The following FAM178B variants were observed in gnomAD, a reference collection of about 807,000 sequenced individuals.
FAM178B encodes protein FAM178B.
A neutral mutation model predicts 91.7 loss-of-function variants in FAM178B; 82 were observed. The ratio of observed to expected loss-of-function variants is 0.89; its 90% CI spans 0.75 to 1.07. The LOEUF (loss-of-function observed/expected upper bound fraction) is 1.07. Among genes scored for constraint, FAM178B ranks in the 50% least tolerant of loss-of-function variants. FAM178B has a pLI of 0.00. For missense variants in FAM178B, 769 were observed against 846.7 expected (o/e 0.91, Z 1.14); for synonymous variants, 368 against 359.4 (o/e 1.02, Z -0.27).
chr2:96,929,961 C>G (rs1179256902), intron 8 of FAM178B, among the ~76,000 whole-genome samples: 1 of 152,118 alleles, frequency 6.6e-6, no homozygotes, highest in African/African-American at 2.4e-5. Flanking sequence ...CACCTGTAAT[C>G]CTAGCACTTT....
chr2:96,912,432 C>CA (rs1176024511), intron 12 of FAM178B, among the ~76,000 whole-genome samples: 1 of 152,004 alleles, frequency 6.6e-6, no homozygotes, highest in East Asian at 1.9e-4. Flanking sequence ...TCCTGAGGCC[C>CA]ACCAAGACTC....
intron 14 of FAM178B, among the ~76,000 whole-genome samples, chr2:96,885,576 G>T (rs2080497925): frequency 6.6e-6 from 1 of 152,220 alleles, no homozygotes; most frequent in Non-Finnish European, 1.5e-5. Context: ...CTGCCGTGGG[G>T]AGGTTATCTC....
intron 4 of FAM178B, among the ~76,000 whole-genome samples, chr2:96,970,049 A>AG (rs1202113455): frequency 2.0e-5 from 3 of 152,228 alleles, no homozygotes; most frequent in Admixed American, 2.0e-4. Flanking sequence ...ACAAAGACTC[A>AG]GGAAGTGTGA....
chr2:96,982,216 C>T (rs1421453111), intron 1 of FAM178B, among the ~76,000 whole-genome samples: 1 of 152,012 alleles, frequency 6.6e-6, no homozygotes. Flanking sequence ...GTATAACTTA[C>T]AGTACATAAA....
At chr2:96,894,413 C>A (rs1163474943) in intron 13 of FAM178B, among the ~76,000 whole-genome samples, 60 of 118,592 alleles carry the variant, frequency 5.1e-4, no homozygotes, top group African/African-American at 1.9e-3. Flanking sequence ...TCCCACCCCC[C>A]ACCCACTCAC....
intron 8 of FAM178B, among the ~76,000 whole-genome samples, chr2:96,933,111 T>G (rs1402663918): frequency 6.6e-6 from 1 of 151,484 alleles, no homozygotes; most frequent in African/African-American, 2.4e-5. Flanking sequence ...GGCGTGGTAG[T>G]GCACGCCTGT....
intron 5 of FAM178B, among the ~76,000 whole-genome samples, chr2:96,967,015 C>A (rs2082151539): frequency 6.6e-6 from 1 of 152,132 alleles, no homozygotes; most frequent in Non-Finnish European, 1.5e-5. Context: ...AAACAGTGTG[C>A]CCTGAAGATG....
At chr2:96,876,465 A>G (rs1409269725) in intron 16 of FAM178B, among the ~76,000 whole-genome samples, 157 bp from the exon 17 acceptor site, 3 of 152,170 alleles carry the variant, frequency 2.0e-5, no homozygotes, top group Non-Finnish European at 4.4e-5. Context: ...ACTGGCGAGG[A>G]CACAGCGGTC....
intron 9 of FAM178B, among the ~76,000 whole-genome samples, chr2:96,928,234 A>G (rs887802937): frequency 6.6e-6 from 1 of 152,192 alleles, no homozygotes; most frequent in African/African-American, 2.4e-5. Flanking sequence ...AGTCCTATAC[A>G]ACAGCCCCTC....
chr2:96,937,254 AC>A (rs35587091), intron 8 of FAM178B, among the ~76,000 whole-genome samples: 5 of 151,888 alleles, frequency 3.3e-5, no homozygotes, highest in Admixed American at 6.6e-5. Flanking sequence ...CCTGTGCCCT[AC>A]CCCCCAGCAA....
At chr2:96,969,686 T>TC (rs2082191353) in intron 4 of FAM178B, among the ~76,000 whole-genome samples, 1 of 152,202 alleles carries the variant, frequency 6.6e-6, no homozygotes, top group Admixed American at 6.5e-5. Context: ...ATAGGCATGG[T>TC]CCCTTCCCTA....
intron 16 of FAM178B, 191 bp downstream of exon 16, chr2:96,877,699 G>T: frequency 1.6e-6 from 1 of 610,572 alleles, no homozygotes; most frequent in Non-Finnish European, 2.9e-6. Context: ...CCAGCCTTTG[G>T]CACTGGATTC....
At chr2:96,968,126 C>T (rs1032026291) in intron 4 of FAM178B, among the ~76,000 whole-genome samples, 34 of 151,904 alleles carry the variant, frequency 2.2e-4, no homozygotes, top group African/African-American at 8.0e-4. Context: ...GCTAGCCCTT[C>T]TGCTCCTCAG....
At chr2:96,936,415 A>C (rs930485360) in intron 8 of FAM178B, among the ~76,000 whole-genome samples, 3 of 150,108 alleles carry the variant, frequency 2.0e-5, no homozygotes, top group Non-Finnish European at 4.4e-5. Context: ...ATTAGCCAGG[A>C]TGGTCTCGAT....
intron 8 of FAM178B, among the ~76,000 whole-genome samples, chr2:96,935,543 G>C (rs778507661): frequency 1.3e-5 from 2 of 151,982 alleles, no homozygotes; most frequent in Non-Finnish European, 2.9e-5. Flanking sequence ...GAAAGCAAAA[G>C]GTTGAGACTG....
intron 1 of FAM178B, chr2:96,977,697 G>A (rs994520782): frequency 5.1e-6 from 2 of 390,374 alleles, no homozygotes; most frequent in African/African-American, 4.2e-5. Context: ...CACGCAATGG[G>A]GGAGGGGGAA....
Position 96,924,217 on chromosome 2 carries a change from C to A in FAM178B, c.1194-634G>T, listed in dbSNP as rs181067194. ...CCAGAAAATCACACTTCCAATCCCC[C>A]CAAAGTCCGTGAGTTCTCCCTGGGT... On this transcript the variant is annotated intron_variant, in intron 9 of 16. Transcript: ENST00000490605. 6.3e-3 allele frequency among the ~76,000 whole-genome samples: 961 copies of A among 152,316 alleles called. 5 individuals carry two copies. The highest frequency in any genetic ancestry group is 0.01 in the Admixed American group (157 of 15,306).
At chr2:96,945,823 T>A (rs139105514) in intron 8 of FAM178B, among the ~76,000 whole-genome samples, 66 of 152,366 alleles carry the variant, frequency 4.3e-4, no homozygotes, top group African/African-American at 1.6e-3. Context: ...AGCTTTTTTT[T>A]AAGTTGTGGT....
rs189536679 is a variant in FAM178B at position 96,952,682 on chromosome 2, C to T, written c.888-1198G>A. ...GCTGGACTTTGTCACCGTTCCTGAG[C>T]TCCTGGTCATCCCCAGAGAGCCTGG... is the stretch of plus-strand genomic sequence containing the variant. On this transcript the variant is annotated intron_variant, in intron 6 of 16. Coordinates refer to ENST00000490605, the MANE Select transcript of FAM178B (RefSeq NM_001122646.3). 1.4e-4 allele frequency among the ~76,000 whole-genome samples: 22 copies of T among 152,318 alleles called. No homozygotes were observed. In the South Asian group the frequency reaches 2.5e-3, roughly 17 times the overall value.
Sources: gnomAD v4.1 joint callset for allele counts (sites outside exome capture counted in the v4.1 genomes callset) on GRCh38, gnomAD v4.1.1 for gene constraint, MANE v1.5 for transcripts, NCBI Gene and HGNC (gene_info 2026-07-23, HGNC 2026-07-21) for gene names.